The following XPNPEP3 variants were observed in gnomAD, a reference collection of about 807,000 sequenced individuals.
XPNPEP3 encodes the protein xaa-Pro aminopeptidase 3.
XPNPEP3 carries 41 observed loss-of-function variants against 60.0 expected under a neutral mutation model. The ratio of observed to expected loss-of-function variants is 0.68; its 90% confidence interval spans 0.53 to 0.89. XPNPEP3 has a LOEUF of 0.89. Among genes scored for constraint, XPNPEP3 ranks in the 40% least tolerant of loss-of-function variants. XPNPEP3 has a pLI of 0.00. For missense variants in XPNPEP3, 598 were observed against 638.9 expected (o/e 0.94, Z 0.69); for synonymous variants, 212 against 223.2 (o/e 0.95, Z 0.45).
intron 4 of XPNPEP3, among the ~76,000 whole-genome samples, chr22:40,892,431 C>T (rs370145922): frequency 2.6e-5 from 4 of 152,082 alleles, no homozygotes; most frequent in Admixed American, 1.3e-4. Context: ...GTGATCTGCC[C>T]GCCTCGGCCT....
At chr22:40,902,452 A>G (rs1021201410) in intron 4 of XPNPEP3, among the ~76,000 whole-genome samples, 5 of 151,874 alleles carry the variant, frequency 3.3e-5, no homozygotes, top group Non-Finnish European at 7.4e-5. Flanking sequence ...GGGTTTCACC[A>G]TGTTAGCCAG....
At chr22:40,915,146 G>A (rs1203199921) in intron 7 of XPNPEP3, among the ~76,000 whole-genome samples, 1 of 147,658 alleles carries the variant, frequency 6.8e-6, no homozygotes, top group Non-Finnish European at 1.5e-5. Flanking sequence ...CCACCTCCCA[G>A]GTTCACATCA....
At position 40,915,107 on chromosome 22, in the gene XPNPEP3, A is replaced by G. The variant is rs545098582; in HGVS notation, c.1055+783A>G. Among the ~76,000 whole-genome samples the G allele has an allele frequency of 3.6e-5, 5 of 140,190 alleles. No homozygotes were observed. The South Asian group carries it at 1.2e-3, about 32-fold the overall frequency. The allele number at this position is 140,190 out of a possible 152,430, so 92.0% of individuals were successfully genotyped here. A position where few individuals can be genotyped will look rare whatever the true frequency, so the allele number is the denominator to read the frequency against. On this transcript the variant is annotated intron_variant, in intron 7 of 9. Transcript: ENST00000357137. ...CGCTCTGGCACCCAGGCTGGAGTGC[A>G]GTGGCATGATCTCGGCTCACTGCTA...
chr22:40,897,012 G>A (rs1334346150), intron 4 of XPNPEP3, among the ~76,000 whole-genome samples: 1 of 147,356 alleles, frequency 6.8e-6, no homozygotes, highest in Non-Finnish European at 1.5e-5. Context: ...TGTATGTATA[G>A]ACAATGTTTC....
At chr22:40,896,894 G>A (rs188392769) in intron 4 of XPNPEP3, among the ~76,000 whole-genome samples, 1 of 152,144 alleles carries the variant, frequency 6.6e-6, no homozygotes, top group African/African-American at 2.4e-5. Context: ...GAATCATACA[G>A]TATTTGTCTT....
intron 2 of XPNPEP3, among the ~76,000 whole-genome samples, chr22:40,874,520 G>A (rs1229040605): frequency 1.3e-5 from 2 of 151,952 alleles, no homozygotes; most frequent in Admixed American, 1.3e-4. Context: ...TGACCTCCGG[G>A]GGTCAAACAA....
intron 2 of XPNPEP3, among the ~76,000 whole-genome samples, chr22:40,875,148 C>A (rs1229133717): frequency 6.6e-6 from 1 of 152,078 alleles, no homozygotes; most frequent in Non-Finnish European, 1.5e-5. Context: ...TTTTCTCACC[C>A]CAATGTACCT....
At chr22:40,914,406 A>G (rs549645679) in intron 7 of XPNPEP3, 82 bp downstream of exon 7, 3 of 1,182,956 alleles carry the variant, frequency 2.5e-6, no homozygotes, top group East Asian at 4.7e-5. Context: ...ATGAATGACT[A>G]AAGAAATACT....
At chr22:40,883,128 T>C (rs2058054761) in intron 3 of XPNPEP3, among the ~76,000 whole-genome samples, 1 of 152,204 alleles carries the variant, frequency 6.6e-6, no homozygotes, top group Non-Finnish European at 1.5e-5. Context: ...CTTCTTGATA[T>C]TTGACAACTA....
chr22:40,881,779 C>T lies in XPNPEP3; in HGVS notation c.191C>T (p.Thr64Ile), dbSNP rs2058048974. 6.2e-7 allele frequency: 1 copy of T among 1,613,974 alleles called. No individual in the cohort carries two copies. Among genetic ancestry groups the T allele is most frequent in the African/African-American group, 1.3e-5 (1 of 74,918 alleles). ...HPHLLRPGEV[T>I]PGLSQVEYAL... Reference sequence around the variant, plus strand: ...TATTTGTCATTTCTAGGGGAGGTAACTCCAGGACTATCTCAGGTGGAATAT... The same window carrying T: ...TATTTGTCATTTCTAGGGGAGGTAATTCCAGGACTATCTCAGGTGGAATAT... Residue 64 changes from threonine to isoleucine, a missense_variant, in exon 3 of 10, where the codon ACT (threonine) becomes ATT (isoleucine). Transcript: ENST00000357137.
chr22:40,895,838 A>G (rs2058105615), intron 4 of XPNPEP3, among the ~76,000 whole-genome samples: 1 of 152,112 alleles, frequency 6.6e-6, no homozygotes, highest in African/African-American at 2.4e-5. Flanking sequence ...TAAGAGGCCC[A>G]GACAGTATCG....
chr22:40,886,217 T>C, intron 3 of XPNPEP3, 96 bp from the exon 4 acceptor site: 1 of 1,256,640 alleles, frequency 8.0e-7, no homozygotes, highest in Non-Finnish European at 1.2e-6. Flanking sequence ...TTACAGGTTT[T>C]ATAGTTTTGA....
chr22:40,900,877 G>A (rs2058129393), intron 4 of XPNPEP3, among the ~76,000 whole-genome samples: 1 of 152,096 alleles, frequency 6.6e-6, no homozygotes, highest in South Asian at 2.1e-4. Flanking sequence ...AGGCTTCAGT[G>A]AGCCAAGATC....
chr22:40,918,601 T>G (rs1399688330), intron 7 of XPNPEP3, among the ~76,000 whole-genome samples: 1 of 151,614 alleles, frequency 6.6e-6, no homozygotes, highest in Non-Finnish European at 1.5e-5. Context: ...GGAGAATCAC[T>G]TGAACCCGGG....
intron 4 of XPNPEP3, among the ~76,000 whole-genome samples, chr22:40,903,651 G>A (rs551649152): frequency 6.6e-5 from 10 of 151,960 alleles, no homozygotes; most frequent in South Asian, 2.1e-4. Context: ...CACCATGCCC[G>A]GCTAATTTTT....
At chr22:40,872,611 C>A (rs187931394) in intron 2 of XPNPEP3, among the ~76,000 whole-genome samples, 2 of 151,348 alleles carry the variant, frequency 1.3e-5, no homozygotes, top group Non-Finnish European at 3.0e-5. Context: ...CTACCACATC[C>A]GGCTAATTTT....
At chr22:40,914,442 G>T in intron 7 of XPNPEP3, 118 bp downstream of exon 7, 1 of 834,782 alleles carries the variant, frequency 1.2e-6, no homozygotes, top group Non-Finnish European at 2.0e-6. Flanking sequence ...GTCAAGTTAG[G>T]TTGCAAAGCT....
chr22:40,919,026 A>G (rs1026491992), intron 7 of XPNPEP3, among the ~76,000 whole-genome samples: 6 of 151,772 alleles, frequency 4.0e-5, no homozygotes, highest in African/African-American at 1.2e-4. Context: ...TATTTTTAAT[A>G]CAGCCACTGA....
intron 4 of XPNPEP3, among the ~76,000 whole-genome samples, chr22:40,902,756 TAC>T (rs1285276985): frequency 6.6e-6 from 1 of 152,224 alleles, no homozygotes; most frequent in African/African-American, 2.4e-5. Flanking sequence ...TGCTTGCAAA[TAC>T]ACAGTCATTA....
Sources: allele counts gnomAD v4.1 joint callset (sites outside exome capture counted in the v4.1 genomes callset), GRCh38; gene constraint gnomAD v4.1.1; transcripts MANE v1.5; gene names NCBI Gene and HGNC (gene_info 2026-07-23, HGNC 2026-07-21).